The following FMN1 variants were observed in gnomAD, a reference collection of about 807,000 sequenced individuals.
FMN1 encodes formin 1, also known as formin-1.
In FMN1, 110 loss-of-function variants were observed where a neutral mutation model predicts 132.4. The observed-to-expected ratio is 0.83, with a 90% CI of 0.71 to 0.97. FMN1 has a LOEUF of 0.97. Ranked by LOEUF, FMN1 falls within the 50% of genes least tolerant of loss-of-function variation. FMN1 has a pLI of 0.00. For synonymous variants in FMN1, 722 were observed against 651.7 expected, an observed-to-expected ratio of 1.11 and a Z score of -1.64; for missense variants, 1,792 against 1,705.3, an observed-to-expected ratio of 1.05 and a Z score of -0.90.
At chr15:32,887,722 G>C (rs773605920) in intron 16 of FMN1, among the ~76,000 whole-genome samples, 1 of 152,142 alleles carries the variant, frequency 6.6e-6, no homozygotes, top group Admixed American at 6.5e-5. Flanking sequence ...TAATTAGACA[G>C]ACTTGATTAG....
At chr15:33,038,255 T>C (rs1222994138) in intron 6 of FMN1, among the ~76,000 whole-genome samples, 5 of 152,160 alleles carry the variant, frequency 3.3e-5, no homozygotes, top group Non-Finnish European at 7.4e-5. Context: ...AAAAAATAAA[T>C]AAACTATTAC....
intron 7 of FMN1, among the ~76,000 whole-genome samples, chr15:32,977,480 C>T (rs2032303876): frequency 6.6e-6 from 1 of 152,178 alleles, no homozygotes; most frequent in African/African-American, 2.4e-5. Flanking sequence ...GTGGAAAAAG[C>T]ATTGGGTTCA....
In FMN1 at chr15:33,109,712, G is replaced by C. The variant is rs1247635286; in HGVS notation, c.1868-20738C>G. Among the ~76,000 whole-genome samples the C allele has an allele frequency of 2.0e-5, 3 of 151,706 alleles. No individual in the cohort carries two copies. The South Asian group carries it at 6.2e-4, about 32-fold the overall frequency. On this transcript the variant is annotated intron_variant, in intron 4 of 20. Coordinates refer to ENST00000616417, the MANE Select transcript of FMN1 (RefSeq NM_001277313.2). ...ATGGGGGAGCATGAGAGGAGGGAGA[G>C]AAACAGAAACAATATTCGATACTGG...
At chr15:32,926,873 C>T (rs1182231193) in intron 9 of FMN1, among the ~76,000 whole-genome samples, 2 of 152,136 alleles carry the variant, frequency 1.3e-5, no homozygotes, top group African/African-American at 4.8e-5. Flanking sequence ...CAGCCTTGAC[C>T]TCCTGGGTTT....
rs1964568108 is a variant in FMN1 at position 33,154,135 on chromosome 15, A to G, written c.780T>C (p.Thr260=). The G allele has an allele frequency of 1.3e-6, 2 of 1,536,114 alleles. No individual in the cohort carries two copies. Among genetic ancestry groups the G allele is most frequent in the African/African-American group, 1.4e-5 (1 of 72,974 alleles). ...GGGGCAGCACTTCTCTTCCAAGCCC[A>G]GTGTCCTTGAAAGCCGTCTCAAAGC... ...FGSFETAFKD[T]GLGREVLPPD... is the part of the protein sequence containing the mutation. Residue 260 remains threonine (T), a synonymous_variant, in exon 4 of 21, where the codon ACT becomes ACC. Transcript: ENST00000616417.
intron 6 of FMN1, chr15:33,012,010 T>A (rs575797635): frequency 3.9e-6 from 1 of 253,516 alleles, no homozygotes; most frequent in South Asian, 5.8e-5. Flanking sequence ...AATGCTTTCT[T>A]AACCAACAAT....
intron 10 of FMN1, among the ~76,000 whole-genome samples, chr15:32,916,065 A>T (rs1191564022): frequency 1.3e-5 from 2 of 152,188 alleles, no homozygotes; most frequent in East Asian, 3.8e-4. Context: ...GGATCATTAG[A>T]GTAGTGTTTC....
chr15:33,001,516 C>G (rs1015953520), intron 7 of FMN1, among the ~76,000 whole-genome samples: 1 of 151,856 alleles, frequency 6.6e-6, no homozygotes, highest in African/African-American at 2.4e-5. Context: ...CAACATAATT[C>G]TTCAGTTTTG....
chr15:32,816,793 G>A (rs1437001015), intron 17 of FMN1, among the ~76,000 whole-genome samples: 1 of 152,178 alleles, frequency 6.6e-6, no homozygotes, highest in Non-Finnish European at 1.5e-5. Context: ...TCATTGGGCA[G>A]TCACCCACAT....
At position 33,129,160 on chromosome 15, in the gene FMN1, A is replaced by G. The variant is rs532255436; in HGVS notation, c.1867+23888T>C. The stretch of plus-strand genomic sequence containing the variant: ...TCACCTCTCAATATTTTAAAGCTCA[A>G]TGTAACTCGGAGAAAACAGCAATTA... On this transcript the variant is annotated intron_variant, in intron 4 of 20. Transcript: ENST00000616417. 5.3e-5 allele frequency among the ~76,000 whole-genome samples: 8 copies of G among 152,346 alleles called. No individual in the cohort carries two copies. In the South Asian group the frequency reaches 1.4e-3, roughly 28 times the overall value.
At chr15:32,801,269 T>C (rs765289571) in intron 18 of FMN1, among the ~76,000 whole-genome samples, 1 of 152,090 alleles carries the variant, frequency 6.6e-6, no homozygotes, top group Non-Finnish European at 1.5e-5. Context: ...CCCTGGGGAT[T>C]TGTGAGGTAC....
intron 9 of FMN1, among the ~76,000 whole-genome samples, chr15:32,951,345 T>C (rs1229788384): frequency 2.6e-5 from 4 of 152,148 alleles, no homozygotes; most frequent in Non-Finnish European, 5.9e-5. Flanking sequence ...GGTTTTTTCT[T>C]GGTACACACT....
chr15:32,837,379 G>GGGTGGC (rs1322794668), intron 17 of FMN1: 1 of 155,096 alleles, frequency 6.4e-6, no homozygotes, highest in Non-Finnish European at 1.4e-5. Context: ...CGGCTCCTGG[G>GGGTGGC]GGTGGCGGTG....
intron 17 of FMN1, among the ~76,000 whole-genome samples, chr15:32,845,740 C>G (rs1358575643): frequency 1.3e-5 from 2 of 152,192 alleles, no homozygotes; most frequent in Non-Finnish European, 2.9e-5. Context: ...CAATCACCCC[C>G]CAACACACAC....
At chr15:33,083,368 G>A (rs1183780292) in intron 5 of FMN1, among the ~76,000 whole-genome samples, 3 of 152,140 alleles carry the variant, frequency 2.0e-5, no homozygotes, top group Non-Finnish European at 4.4e-5. Flanking sequence ...AACTACACTT[G>A]AACTTATGTT....
Position 32,920,924 on chromosome 15 carries a change from G to A in FMN1, c.3226+5250C>T, listed in dbSNP as rs11852314. On this transcript the variant is annotated intron_variant, in intron 10 of 20. Transcript: ENST00000616417. ...CTGAACAAACACAATCCCTTCTAAA[G>A]GATTTCTCCACCTTCAGTCCTATTT... Among the ~76,000 whole-genome samples the A allele has an allele frequency of 5.4e-3, 829 of 152,212 alleles. 8 individuals are homozygous for A. The highest frequency in any genetic ancestry group is 0.019 in the African/African-American group (802 of 41,514).
At chr15:32,955,342 T>A (rs1003246474) in intron 9 of FMN1, among the ~76,000 whole-genome samples, 1 of 152,238 alleles carries the variant, frequency 6.6e-6, no homozygotes, top group African/African-American at 2.4e-5. Context: ...ACATGGGAGA[T>A]GTGTGTATTT....
chr15:33,060,691 C>T (rs534800716), intron 6 of FMN1, among the ~76,000 whole-genome samples: 1 of 152,310 alleles, frequency 6.6e-6, no homozygotes, highest in East Asian at 1.9e-4. Flanking sequence ...ATTCCCCAGC[C>T]CCAGGCCAGC....
rs894083182 is a variant in FMN1 at position 33,098,591 on chromosome 15, A to G, written c.1868-9617T>C. On this transcript the variant is annotated intron_variant, in intron 4 of 20. Coordinates refer to ENST00000616417, the MANE Select transcript of FMN1 (RefSeq NM_001277313.2). ...ATCCAGTATTCTTACACAGGCACTC[A>G]GGGCTTTCAGTTAGCTTTTTAGTAC... Among the ~76,000 whole-genome samples, 3 of 152,332 alleles carry G rather than the reference A, an allele frequency of 2.0e-5. No homozygotes were observed. In the South Asian group the frequency reaches 6.2e-4, roughly 32 times the overall value.
Sources: gnomAD v4.1 joint callset for allele counts (sites outside exome capture counted in the v4.1 genomes callset) on GRCh38, gnomAD v4.1.1 for gene constraint, MANE v1.5 for transcripts, NCBI Gene and HGNC (gene_info 2026-07-23, HGNC 2026-07-21) for gene names.